Variants in SGCD observed in about 807,000 individuals in gnomAD.
SGCD encodes the protein sarcoglycan delta, also known as delta-sarcoglycan.
Under a neutral mutation model 36.6 loss-of-function variants are expected in SGCD, and 18 were observed. The observed-to-expected ratio is 0.49, with a 90% CI of 0.34 to 0.73. The LOEUF is 0.73. Ranked by LOEUF, SGCD falls within the 30% of genes least tolerant of loss-of-function variation. The probability of loss-of-function intolerance (pLI) is 0.01; values close to 1 mark genes in which losing one functional copy is unlikely to be tolerated. For missense variants in SGCD, 387 were observed against 346.7 expected (o/e 1.12, Z -0.92); for synonymous variants, 133 against 130.6 (o/e 1.02, Z -0.12).
At chr5:156,075,073 A>G (rs1450445629) in intron 1 of SGCD, among the ~76,000 whole-genome samples, 1 of 152,218 alleles carries the variant, frequency 6.6e-6, no homozygotes, top group Non-Finnish European at 1.5e-5. Flanking sequence ...CACAAATACA[A>G]ATGTACGAAA....
chr5:156,758,151 C>A, intron 8 of SGCD: 1 of 252,952 alleles, frequency 4.0e-6, no homozygotes, highest in Non-Finnish European at 6.3e-6. Flanking sequence ...CCAGAACAAG[C>A]CAAAACTTTA....
chr5:155,797,405 TATAAA>T, the SGCD span, among the ~76,000 whole-genome samples: 1 of 152,234 alleles, frequency 6.6e-6, no homozygotes. Flanking sequence ...TATCCTGAAT[TATAAA>T]ATAAAAGGAG....
intron 1 of SGCD, among the ~76,000 whole-genome samples, chr5:155,945,676 G>A (rs560286771): frequency 6.6e-6 from 1 of 152,228 alleles, no homozygotes; most frequent in South Asian, 2.1e-4. Context: ...TGGTGCCAGG[G>A]ACCCTCAAGG....
chr5:156,531,323 G>A (rs1757879948), intron 4 of SGCD, among the ~76,000 whole-genome samples: 1 of 152,198 alleles, frequency 6.6e-6, no homozygotes, highest in Non-Finnish European at 1.5e-5. Flanking sequence ...AATTTCTATT[G>A]TCTGTAAATT....
chr5:156,041,656 T>A (rs142756575), intron 1 of SGCD, among the ~76,000 whole-genome samples: 1 of 152,324 alleles, frequency 6.6e-6, no homozygotes, highest in Non-Finnish European at 1.5e-5. Context: ...AGATACACAC[T>A]TGAAGAGAGA....
At chr5:156,274,059 G>A (rs1220385704) in intron 3 of SGCD, among the ~76,000 whole-genome samples, 1 of 152,034 alleles carries the variant, frequency 6.6e-6, no homozygotes, top group Admixed American at 6.6e-5. Context: ...ACCTCTGTGT[G>A]GGGATAATAC....
At chr5:156,189,662 A>G (rs1226983337) in intron 3 of SGCD, among the ~76,000 whole-genome samples, 3 of 151,978 alleles carry the variant, frequency 2.0e-5, no homozygotes, top group African/African-American at 4.9e-5. Context: ...GCATGAAAGG[A>G]CAAGAATAAA....
At chr5:155,791,691 C>T in the SGCD span, among the ~76,000 whole-genome samples, 1 of 152,068 alleles carries the variant, frequency 6.6e-6, no homozygotes, top group African/African-American at 2.4e-5. Context: ...CCTAGGAATA[C>T]ATCTAACCAA....
intron 3 of SGCD, among the ~76,000 whole-genome samples, chr5:156,276,895 G>GT (rs904628073): frequency 3.9e-5 from 6 of 152,138 alleles, no homozygotes; most frequent in East Asian, 1.9e-4. Context: ...AAACATTTAG[G>GT]TTTTTTTCAG....
chr5:156,307,302 T>G (rs916393480), intron 3 of SGCD, among the ~76,000 whole-genome samples: 1 of 152,206 alleles, frequency 6.6e-6, no homozygotes, highest in Admixed American at 6.5e-5. Flanking sequence ...CACCTTGGCC[T>G]CCTAAAGTGC....
At chr5:156,293,459 C>T (rs919520775) in intron 3 of SGCD, among the ~76,000 whole-genome samples, 7 of 152,092 alleles carry the variant, frequency 4.6e-5, no homozygotes, top group Non-Finnish European at 1.0e-4. Flanking sequence ...TTAGCTCTTG[C>T]ATGTAGGTCT....
chr5:156,404,088 G>C (rs1461737103), intron 3 of SGCD, among the ~76,000 whole-genome samples: 2 of 152,094 alleles, frequency 1.3e-5, no homozygotes, highest in Non-Finnish European at 2.9e-5. Context: ...CCTCACCTCA[G>C]CCTCCCAGAG....
intron 1 of SGCD, among the ~76,000 whole-genome samples, chr5:155,938,114 TG>T (rs1185628019): frequency 1.3e-5 from 2 of 152,222 alleles, no homozygotes; most frequent in Non-Finnish European, 2.9e-5. Flanking sequence ...AGCTGTTGTT[TG>T]TTGCCTTGTT....
At chr5:155,867,699 G>T (rs1755549764), upstream of SGCD, among the ~76,000 whole-genome samples, 2 of 152,176 alleles carry the variant, frequency 1.3e-5, no homozygotes, top group South Asian at 4.1e-4. Context: ...AGCAGTTGTA[G>T]CTGTAGTCAT....
intron 3 of SGCD, among the ~76,000 whole-genome samples, chr5:156,359,431 A>G (rs1010455536): frequency 1.3e-5 from 2 of 152,212 alleles, no homozygotes; most frequent in Non-Finnish European, 2.9e-5. Context: ...TAATCTCTGT[A>G]ACAGCCCTAG....
the SGCD span, among the ~76,000 whole-genome samples, chr5:155,740,560 T>C: frequency 6.6e-6 from 1 of 152,236 alleles, no homozygotes; most frequent in Non-Finnish European, 1.5e-5. Context: ...AACTGGCCCA[T>C]GCGCTCAATC....
upstream of SGCD, among the ~76,000 whole-genome samples, chr5:155,868,976 G>A (rs972864980): frequency 3.9e-5 from 6 of 152,112 alleles, no homozygotes; most frequent in African/African-American, 1.4e-4. Flanking sequence ...AAAAGTGGCT[G>A]GGAATTCTAG....
chr5:156,625,583 G>C (rs1762408355), intron 6 of SGCD, among the ~76,000 whole-genome samples: 1 of 152,136 alleles, frequency 6.6e-6, no homozygotes, highest in African/African-American at 2.4e-5. Flanking sequence ...TTAATGAAAA[G>C]AATGATGTAA....
chr5:156,531,408 T>A (rs1441755977), intron 4 of SGCD, among the ~76,000 whole-genome samples: 2 of 152,214 alleles, frequency 1.3e-5, no homozygotes, highest in Non-Finnish European at 2.9e-5. Flanking sequence ...ACAGGAAGTA[T>A]AATGAAAACA....
Sources: gnomAD v4.1 joint callset for allele counts (sites outside exome capture counted in the v4.1 genomes callset) on GRCh38, gnomAD v4.1.1 for gene constraint, MANE v1.5 for transcripts, NCBI Gene and HGNC (gene_info 2026-07-23, HGNC 2026-07-21) for gene names.